Variants in MYO7A observed in about 807,000 individuals in gnomAD.
The protein encoded by MYO7A is unconventional myosin-VIIa.
Under a neutral mutation model 263.8 loss-of-function variants are expected in MYO7A, and 210 were observed. The observed-to-expected ratio is 0.80, with a 90% CI of 0.71 to 0.89. MYO7A has a LOEUF of 0.89. Among genes scored for constraint, MYO7A ranks in the 40% least tolerant of loss-of-function variants. The probability of loss-of-function intolerance (pLI) is 0.00; values close to 1 mark genes in which losing one functional copy is unlikely to be tolerated. For missense variants in MYO7A, 2,820 were observed against 2,968.3 expected, an observed-to-expected ratio of 0.95 and a Z score of 1.16; for synonymous variants, 1,239 against 1,197.3, an observed-to-expected ratio of 1.03 and a Z score of -0.72.
At chr11:77,197,379 G>A in intron 32 of MYO7A, 102 bp from the exon 33 acceptor site, 1 of 842,852 alleles carries the variant, frequency 1.2e-6, no homozygotes, top group African/African-American at 1.7e-5. Context: ...AGGAGGTGCA[G>A]GAGCCCCAGG....
chr11:77,180,456 A>G lies in MYO7A; in HGVS notation c.2669A>G (p.Lys890Arg), dbSNP rs1555083437. 4 of 1,612,482 alleles carry G rather than the reference A, an allele frequency of 2.5e-6. No homozygotes were observed. Among genetic ancestry groups the G allele is most frequent in the Admixed American group, 1.7e-5 (1 of 60,014 alleles). The change falls in exon 22 of 49, where the codon AAG becomes AGG. Residue 890 changes from lysine (K) to arginine (R), a missense_variant. By Grantham distance (26) the Lys-to-Arg change is conservative. Transcript: ENST00000409709. ...LRKEMSAKKA[K>R]EEAERKHQER... The stretch of plus-strand genomic sequence containing the variant: ...AAGGAGATGAGCGCCAAGAAGGCCA[A>G]GGAGGAGGCCGAGCGCAAGCATCAG...
chr11:77,157,509 T>C, intron 8 of MYO7A, 117 bp downstream of exon 8: 1 of 684,220 alleles, frequency 1.5e-6, no homozygotes, highest in South Asian at 2.0e-5. Flanking sequence ...TGCCAGCTTC[T>C]TGCTGGCTTG....
chr11:77,202,679 G>A (rs1424523410), intron 37 of MYO7A, among the ~76,000 whole-genome samples: 14 of 152,012 alleles, frequency 9.2e-5, no homozygotes, highest in Non-Finnish European at 1.9e-4. Flanking sequence ...GTGGGGATGC[G>A]GGCTGGAAGC....
At chr11:77,171,269 G>A (rs1405016018) in intron 15 of MYO7A, among the ~76,000 whole-genome samples, 4 of 152,132 alleles carry the variant, frequency 2.6e-5, no homozygotes, top group African/African-American at 7.2e-5. Flanking sequence ...GTGTGCATGC[G>A]TATGCGTGTA....
rs782693093 is a variant in MYO7A, at chr11:77,159,536, C to T, written c.1080+13C>T. ...ATCCCTGCTTGAGGTCAGTGCCTGGCCTCTCTCCCCTCCATGACTTCTGTC... is the reference window on the plus strand; with the variant it reads ...ATCCCTGCTTGAGGTCAGTGCCTGGTCTCTCTCCCCTCCATGACTTCTGTC... On this transcript the variant is annotated intron_variant, in intron 10 of 48. Transcript: ENST00000409709. 6 of 1,611,440 alleles carry T rather than the reference C, an allele frequency of 3.7e-6. No individual in the cohort carries two copies. The highest frequency in any genetic ancestry group is 5.1e-6 in the Non-Finnish European group (6 of 1,178,520).
At chr11:77,156,837 C>G in intron 6 of MYO7A, 25 bp from the exon 7 acceptor site, 1 of 1,613,942 alleles carries the variant, frequency 6.2e-7, no homozygotes, top group East Asian at 2.2e-5. Flanking sequence ...CGGGCTTTGC[C>G]AGTGACACCC....
At chr11:77,198,395 A>T (rs1466523603) in intron 33 of MYO7A, 100 bp from the exon 34 acceptor site, 2 of 1,463,524 alleles carry the variant, frequency 1.4e-6, no homozygotes, top group Non-Finnish European at 1.8e-6. Context: ...TCTATAAAAT[A>T]GAAATCAGTG....
At chr11:77,142,040 G>A (rs952798172) in intron 2 of MYO7A, among the ~76,000 whole-genome samples, 5 of 152,230 alleles carry the variant, frequency 3.3e-5, no homozygotes, top group Non-Finnish European at 7.3e-5. Flanking sequence ...GAATGTGGTT[G>A]TTCTTAGTCC....
intron 29 of MYO7A, 115 bp from the exon 30 acceptor site, chr11:77,190,582 G>GGGGCCTGGAGCACT: frequency 8.2e-7 from 1 of 1,218,238 alleles, no homozygotes; most frequent in Non-Finnish European, 1.1e-6. Flanking sequence ...GTGAGGTACT[G>GGGGCCTGGAGCACT]GGGCCTGGGG....
rs1555051384 is a variant in MYO7A at position 77,142,707 on chromosome 11, A to G, written c.19-2A>G. On this transcript the variant is annotated splice_acceptor_variant, in intron 2 of 48. Coordinates refer to ENST00000409709, the MANE Select transcript of MYO7A (RefSeq NM_000260.4). LOFTEE classifies it high-confidence loss of function. ...TGGGCTGAGACTCTCTCTCGCCCAT[A>G]GGGGGACCATGTGTGGATGGACCTG... is the stretch of plus-strand genomic sequence containing the variant. The G allele has an allele frequency of 6.2e-7, 1 of 1,607,912 alleles. No homozygotes were observed. The highest frequency in any genetic ancestry group is 8.5e-7 in the Non-Finnish European group (1 of 1,177,384).
intron 37 of MYO7A, 83 bp from the exon 38 acceptor site, chr11:77,202,977 G>A (rs1957174133): frequency 6.8e-7 from 1 of 1,476,098 alleles, no homozygotes; most frequent in African/African-American, 1.4e-5. Context: ...GGGATGGGTG[G>A]GGGTGGGGGT....
chr11:77,156,494 C>A (rs565446644), intron 5 of MYO7A, among the ~76,000 whole-genome samples, 166 bp from the exon 6 acceptor site: 1 of 152,188 alleles, frequency 6.6e-6, no homozygotes, highest in Non-Finnish European at 1.5e-5. Flanking sequence ...AAGGAGAGTG[C>A]GGTGGAGCAC....
At chr11:77,203,014 G>A (rs781484036) in intron 37 of MYO7A, 46 bp from the exon 38 acceptor site, 20 of 1,538,492 alleles carry the variant, frequency 1.3e-5, no homozygotes, top group Non-Finnish European at 1.8e-5. Context: ...TTCTCCCCGG[G>A]GCTGCCAGCG....
chr11:77,166,292 G>A, intron 15 of MYO7A, 130 bp downstream of exon 15: 1 of 780,354 alleles, frequency 1.3e-6, no homozygotes, highest in Non-Finnish European at 2.2e-6. Flanking sequence ...CTTTGCTGTG[G>A]CTCCAGGAGG....
chr11:77,197,382 G>C (rs1169650158), intron 32 of MYO7A, 99 bp from the exon 33 acceptor site: 21 of 870,970 alleles, frequency 2.4e-5, no homozygotes, highest in Non-Finnish European at 3.6e-6. Flanking sequence ...AGGTGCAGGA[G>C]CCCCAGGCTG....
chr11:77,214,580 C>A, intron 48 of MYO7A, 27 bp from the exon 49 acceptor site: 1 of 1,506,236 alleles, frequency 6.6e-7, no homozygotes, highest in South Asian at 1.2e-5. Flanking sequence ...ACCGTGTGCT[C>A]GCTTATCTTC....
intron 18 of MYO7A, 40 bp from the exon 19 acceptor site, chr11:77,177,509 G>A: frequency 6.6e-7 from 1 of 1,518,922 alleles, no homozygotes; most frequent in Non-Finnish European, 9.0e-7. Context: ...GGTCCTAGAG[G>A]AGACCTTGTG....
rs3819171 is a variant in MYO7A, at chr11:77,207,027, G to C, written c.5743-262G>C. On this transcript the variant is annotated intron_variant, in intron 41 of 48. Coordinates refer to ENST00000409709, the MANE Select transcript of MYO7A (RefSeq NM_000260.4). ...TGCTGTGCTCCCTGGACCCCTCACTGTCACTCAGGCTTGTACACCCTGGCC... is the reference window on the plus strand; with the variant it reads ...TGCTGTGCTCCCTGGACCCCTCACTCTCACTCAGGCTTGTACACCCTGGCC... 182,640 of 359,098 alleles carry C rather than the reference G, an allele frequency of 0.51. 50,333 individuals carry two copies. Among genetic ancestry groups the C allele is most frequent in the Admixed American group, 0.6 (14,428 of 24,198 alleles). 22.2% of individuals were successfully genotyped at this position (359,098 alleles called of 1,614,324 possible).
chr11:77,155,863 T>C, intron 4 of MYO7A, 44 bp from the exon 5 acceptor site: 1 of 1,514,576 alleles, frequency 6.6e-7, no homozygotes, highest in Non-Finnish European at 8.9e-7. Context: ...AGTCAGAGTC[T>C]CCCACATGGA....
Sources: gnomAD v4.1 joint callset for allele counts (sites outside exome capture counted in the v4.1 genomes callset) on GRCh38, gnomAD v4.1.1 for gene constraint, MANE v1.5 for transcripts, NCBI Gene and HGNC (gene_info 2026-07-23, HGNC 2026-07-21) for gene names.